Variants in ELFN2 observed in about 807,000 individuals in gnomAD.
ELFN2 encodes the protein extracellular leucine rich repeat and fibronectin type III domain containing 2, also known as protein phosphatase 1 regulatory subunit 29.
ELFN2 carries 17 observed loss-of-function variants against 45.5 expected under a neutral mutation model. The observed-to-expected ratio is 0.37, with a 90% CI of 0.26 to 0.56. The LOEUF (loss-of-function observed/expected upper bound fraction) is 0.56, where lower values mean the gene tolerates loss of function less well. Among genes scored for constraint, ELFN2 ranks in the 20% least tolerant of loss-of-function variants. The probability of loss-of-function intolerance (pLI) is 0.77; values close to 1 mark genes in which losing one functional copy is unlikely to be tolerated. For synonymous variants in ELFN2, 550 were observed against 551.5 expected (o/e 1.00, Z 0.04); for missense variants, 922 against 1,183.2 (o/e 0.78, Z 3.24).
intron 2 of ELFN2, among the ~76,000 whole-genome samples, chr22:37,386,518 C>T (rs1304811487): frequency 6.6e-6 from 1 of 152,190 alleles, no homozygotes; most frequent in Non-Finnish European, 1.5e-5. Flanking sequence ...AGTATGGACA[C>T]CAGCTGGGGT....
At chr22:37,355,987 G>A (rs551703831) in intron 1 of ELFN2, among the ~76,000 whole-genome samples, 158 of 152,328 alleles carry the variant, frequency 1.0e-3, no homozygotes, top group Non-Finnish European at 1.4e-3. Flanking sequence ...GGTTGTCTTG[G>A]GCTGAGTTCC....
At chr22:37,367,622 C>G (rs751405004), downstream of ELFN2, among the ~76,000 whole-genome samples, 12 of 152,216 alleles carry the variant, frequency 7.9e-5, no homozygotes, top group African/African-American at 1.2e-4. Flanking sequence ...GCTCTGAATC[C>G]CGGGTGTGGG....
At chr22:37,345,395 G>A (rs1930672215) in intron 1 of ELFN2, among the ~76,000 whole-genome samples, 1 of 152,118 alleles carries the variant, frequency 6.6e-6, no homozygotes, top group Admixed American at 6.5e-5. Flanking sequence ...CCACTTCTCT[G>A]AGCCTTAGTT....
rs141393701 is a variant in ELFN2 at position 37,389,550 on chromosome 22, C to T, written c.-462-13554G>A. Reference sequence around the variant, plus strand: ...TGACCCCCCTGCTATGCCCCCACAACCCCGAGGTATAGCCCTTGGAATCCT... The same window carrying T: ...TGACCCCCCTGCTATGCCCCCACAATCCCGAGGTATAGCCCTTGGAATCCT... On this transcript the variant is annotated intron_variant, in intron 2 of 2. Coordinates refer to ENST00000402918, the MANE Select transcript of ELFN2 (RefSeq NM_052906.5). 2.2e-4 allele frequency among the ~76,000 whole-genome samples: 34 copies of T among 152,218 alleles called. No individual in the cohort carries two copies. In the East Asian group the frequency reaches 6.6e-3, roughly 29 times the overall value.
intron 1 of ELFN2, among the ~76,000 whole-genome samples, chr22:37,418,471 C>G (rs1245022193): frequency 6.6e-6 from 1 of 151,998 alleles, no homozygotes; most frequent in Non-Finnish European, 1.5e-5. Flanking sequence ...CACCTTGTCC[C>G]ACACTCCCTA....
chr22:37,343,412 T>C (rs1326543693), intron 1 of ELFN2, among the ~76,000 whole-genome samples: 1 of 152,114 alleles, frequency 6.6e-6, no homozygotes, highest in Non-Finnish European at 1.5e-5. Context: ...CTTGGTCTGC[T>C]GTGAGGGTTC....
chr22:37,362,691 C>T (rs558510209), intron 1 of ELFN2, among the ~76,000 whole-genome samples: 3 of 152,268 alleles, frequency 2.0e-5, no homozygotes, highest in African/African-American at 4.8e-5. Flanking sequence ...TTGCTTGGGC[C>T]AATTACTGTC....
chr22:37,408,076 C>T (rs973549867), intron 2 of ELFN2, among the ~76,000 whole-genome samples: 1 of 152,182 alleles, frequency 6.6e-6, no homozygotes, highest in Non-Finnish European at 1.5e-5. Flanking sequence ...GGAGTTCTCA[C>T]GAGTTTCTCC....
chr22:37,400,999 G>A (rs1464174791), intron 2 of ELFN2, among the ~76,000 whole-genome samples: 1 of 152,234 alleles, frequency 6.6e-6, no homozygotes, highest in Non-Finnish European at 1.5e-5. Context: ...GACGGTGCAG[G>A]GGACTGGCAA....
intron 2 of ELFN2, among the ~76,000 whole-genome samples, chr22:37,402,179 G>GCTCTGT (rs1292826789): frequency 2.0e-5 from 3 of 152,212 alleles, no homozygotes; most frequent in Non-Finnish European, 4.4e-5. Context: ...AGTTGTCTCT[G>GCTCTGT]GCACAGAGCA....
In ELFN2 at chr22:37,374,420, T is replaced by A. The variant is rs771925789; in HGVS notation, c.1115A>T (p.His372Leu). ...CCGCGTGGTGAAGGTCAGGCAGGTG[T>A]GGTTGAAGCGGCGGCTGTTGCGCAG... ...TSLRNSRRFN[H>L]TCLTFTTRDP... The change falls in exon 3 of 3, where the codon CAC (histidine) becomes CTC (leucine). Residue 372 changes from histidine to leucine, a missense_variant. By Grantham distance (99) the His-to-Leu change is moderately conservative. Around this residue, in one of 2 missense-constraint regions of ELFN2, gnomAD observed 358 missense variants for 540.4 expected, o/e 0.66. Transcript: ENST00000402918. The A allele has an allele frequency of 1.9e-6, 3 of 1,613,856 alleles. No individual in the cohort carries two copies. The highest frequency in any genetic ancestry group is 1.7e-6 in the Non-Finnish European group (2 of 1,179,856).
At chr22:37,385,880 G>C (rs1224789228) in intron 2 of ELFN2, among the ~76,000 whole-genome samples, 1 of 152,148 alleles carries the variant, frequency 6.6e-6, no homozygotes, top group Admixed American at 6.5e-5. Context: ...GGGGCTCAAG[G>C]ATTCTAGGAT....
intron 2 of ELFN2, among the ~76,000 whole-genome samples, chr22:37,393,929 T>A (rs1932145442): frequency 6.6e-6 from 1 of 152,130 alleles, no homozygotes; most frequent in African/African-American, 2.4e-5. Context: ...TGCCTGGCGC[T>A]AAGGAGCACT....
At position 37,375,783 on chromosome 22, in the gene ELFN2, C is replaced by T. The variant is rs922350942; in HGVS notation, c.-249G>A. On this transcript the variant is annotated 5_prime_UTR_variant, in exon 3 of 3. Transcript: ENST00000402918. ...CAGCCTGCTCCCCACCGCAGCGTTG[C>T]TCCTTGTCTCCTGCTAGGAAGGTGC... 3.6e-6 allele frequency: 2 copies of T among 556,634 alleles called. No homozygotes were observed. Among genetic ancestry groups the T allele is most frequent in the African/African-American group, 2.0e-5 (1 of 50,014 alleles). 34.5% of individuals were successfully genotyped at this position (556,634 alleles called of 1,614,324 possible). A position where few individuals can be genotyped will look rare whatever the true frequency, so the allele number is the denominator to read the frequency against.
At chr22:37,411,959 C>CA (rs1932658754) in intron 2 of ELFN2, among the ~76,000 whole-genome samples, 1 of 152,002 alleles carries the variant, frequency 6.6e-6, no homozygotes, top group Non-Finnish European at 1.5e-5. Context: ...TCCCAGCCCT[C>CA]AGGGACTGCC....
chr22:37,360,277 G>C (rs1407403230), intron 1 of ELFN2, among the ~76,000 whole-genome samples: 1 of 152,238 alleles, frequency 6.6e-6, no homozygotes, highest in Non-Finnish European at 1.5e-5. Context: ...GGGGACATGA[G>C]CTCCTGGAGT....
At chr22:37,364,635 A>T (rs1402709973), downstream of ELFN2, among the ~76,000 whole-genome samples, 1 of 152,214 alleles carries the variant, frequency 6.6e-6, no homozygotes, top group African/African-American at 2.4e-5. Context: ...GCCAGGGATG[A>T]GTGCCACGCT....
At chr22:37,378,689 C>T (rs929898741) in intron 2 of ELFN2, among the ~76,000 whole-genome samples, 1 of 152,260 alleles carries the variant, frequency 6.6e-6, no homozygotes, top group African/African-American at 2.4e-5. Context: ...TCCGACCCAC[C>T]CCCGTGACTC....
At position 37,374,694 on chromosome 22, in the gene ELFN2, G is replaced by A; in HGVS notation, c.841C>T (p.Leu281Phe). ...GACGAGGCCGGCGGCTCCACCGAAA[G>A]GATCTCGTCGGGGTTGAAGCCCGAG... ...ENSGFNPDEI[L>F]SVEPPASSTT... The change falls in exon 3 of 3, where the codon CTT becomes TTT. Residue 281 changes from leucine to phenylalanine, a missense_variant. Leu to Phe is a conservative substitution (Grantham distance 22). Around this residue, in one of 2 missense-constraint regions of ELFN2, gnomAD observed 358 missense variants for 540.4 expected, o/e 0.66. Coordinates refer to ENST00000402918, the MANE Select transcript of ELFN2 (RefSeq NM_052906.5). The A allele has an allele frequency of 1.9e-6, 3 of 1,611,622 alleles. No individual in the cohort carries two copies. Among genetic ancestry groups the A allele is most frequent in the Non-Finnish European group, 2.5e-6 (3 of 1,178,014 alleles).
Sources: gnomAD v4.1 joint callset for allele counts (sites outside exome capture counted in the v4.1 genomes callset) on GRCh38, gnomAD v4.1.1 for gene constraint, gnomAD v4.1.1 regional missense constraint, MANE v1.5 for transcripts, NCBI Gene and HGNC (gene_info 2026-07-23, HGNC 2026-07-21) for gene names.